NOTCH3: variants seen among roughly 807,000 people sequenced by gnomAD.
NOTCH3 encodes notch receptor 3, also known as neurogenic locus notch homolog protein 3.
NOTCH3 carries 86 observed loss-of-function variants against 213.3 expected under a neutral mutation model. The observed-to-expected ratio is 0.40, with a 90% CI of 0.34 to 0.48. The LOEUF is 0.48. NOTCH3 is among the 20% of genes least tolerant of loss of function. The probability of loss-of-function intolerance (pLI) is 0.57; values close to 1 mark genes in which losing one functional copy is unlikely to be tolerated. For missense variants in NOTCH3, 2,783 were observed against 3,272.6 expected, an observed-to-expected ratio of 0.85 and a Z score of 3.65; for synonymous variants, 1,354 against 1,355.9, an observed-to-expected ratio of 1.00 and a Z score of 0.03.
chr19:15,178,602 C>G, intron 23 of NOTCH3: 1 of 601,860 alleles, frequency 1.7e-6, no homozygotes, highest in East Asian at 2.8e-5. Context: ...CCAGGCTGGT[C>G]TCTAACTCCT....
chr19:15,191,573 C>A lies in NOTCH3; in HGVS notation c.887G>T (p.Gly296Val), dbSNP rs1039406785. 3 of 1,613,586 alleles carry A rather than the reference C, an allele frequency of 1.9e-6. No individual in the cohort carries two copies. The highest frequency in any genetic ancestry group is 1.7e-5 in the Admixed American group (1 of 60,000). The part of the protein sequence containing the change: ...HNGGTCFNTL[G>V]GHSCVCVNGW... ...ATTGACACACACGCAGCTGTGGCCA[C>A]CCAGCGTGTTGAAGCAGGTACCCCC... Residue 296 changes from glycine to valine, a missense_variant, in exon 6 of 33, where the codon GGT becomes GTT. Coordinates refer to ENST00000263388, the MANE Select transcript of NOTCH3 (RefSeq NM_000435.3).
intron 24 of NOTCH3, among the ~76,000 whole-genome samples, chr19:15,175,388 G>C (rs1442000321): frequency 1.3e-5 from 2 of 149,838 alleles, no homozygotes; most frequent in Non-Finnish European, 3.0e-5. Flanking sequence ...ACAAAAATTA[G>C]TCAGGCATGG....
rs1197518115 is a variant in NOTCH3, at chr19:15,178,069, C to G, written c.3859G>C (p.Glu1287Gln). The change falls in exon 24 of 33, where the codon GAG becomes CAG. Residue 1287 changes from glutamate to glutamine, a missense_variant. Glu to Gln is a conservative substitution (Grantham distance 29). Transcript: ENST00000263388. ...TCCCGGCAGGAGCGCGCCACCCGCT[C>G]GCAACGCGGACCCCAGAACGGCTGG... is the stretch of plus-strand genomic sequence containing the variant. ...CAQPFWGPRC[E>Q]RVARSCRELQ... The G allele has an allele frequency of 5.9e-6, 9 of 1,519,774 alleles. No homozygotes were observed. The highest frequency in any genetic ancestry group is 7.0e-6 in the Non-Finnish European group (8 of 1,139,582). The allele number at this position is 1,519,774 out of a possible 1,614,324, so 94.1% of individuals were successfully genotyped here.
intron 23 of NOTCH3, chr19:15,178,604 C>CT (rs369288234): frequency 3.0e-4 from 180 of 603,660 alleles, no homozygotes; most frequent in African/African-American, 2.6e-3. Flanking sequence ...AGGCTGGTCT[C>CT]TAACTCCTGG....
At chr19:15,189,512 T>G (rs1471921286) in intron 6 of NOTCH3, 84 bp from the exon 7 acceptor site, 5 of 1,530,630 alleles carry the variant, frequency 3.3e-6, no homozygotes, top group African/African-American at 1.4e-5. Flanking sequence ...GTTTTGTCGT[T>G]GTTGTTGTTT....
chr19:15,188,373 A>G (rs751848001), intron 8 of NOTCH3, 25 bp from the exon 9 acceptor site: 11 of 1,462,258 alleles, frequency 7.5e-6, no homozygotes, highest in Non-Finnish European at 1.0e-5. Flanking sequence ...AGGGCTTAGG[A>G]AAGCGGGGGC....
chr19:15,159,466 C>CA lies in NOTCH3; in HGVS notation c.*1195dup. 5.3e-6 allele frequency: 1 copy of CA among 189,458 alleles called. No homozygotes were observed. The allele number at this position is 189,458 out of a possible 1,614,324, so 11.7% of individuals were successfully genotyped here. Reference sequence around the variant, plus strand: ...GATTGGCTCAGCTTAAGTCAGGTGACAACCACTAATCCAATCGGTAGTCAT... The same window carrying CA: ...GATTGGCTCAGCTTAAGTCAGGTGACAAACCACTAATCCAATCGGTAGTCAT... On this transcript the variant is annotated 3_prime_UTR_variant, in exon 33 of 33. Coordinates refer to ENST00000263388, the MANE Select transcript of NOTCH3 (RefSeq NM_000435.3).
chr19:15,175,590 T>TACAC (rs1555727085), intron 24 of NOTCH3, among the ~76,000 whole-genome samples: 8,262 of 107,068 alleles, frequency 0.077, 867 homozygotes, highest in African/African-American at 0.25. Flanking sequence ...TATATGTATA[T>TACAC]ACACACACAC....
In NOTCH3 at chr19:15,191,549, T is replaced by C; in HGVS notation, c.911A>G (p.Asn304Ser). Residue 304 changes from asparagine to serine, a missense_variant, in exon 6 of 33, where the codon AAT becomes AGT. This residue lies in a region of NOTCH3 where 708 missense variants were observed against 906.6 expected (regional missense o/e 0.78). Transcript: ENST00000263388. ...TLGGHSCVCV[N>S]GWTGESCSQN... ...ACTGCAGCTCTCGCCTGTCCAGCCA[T>C]TGACACACACGCAGCTGTGGCCACC... is the stretch of plus-strand genomic sequence containing the variant. The C allele has an allele frequency of 6.2e-7, 1 of 1,613,582 alleles. No homozygotes were observed. Among genetic ancestry groups the C allele is most frequent in the Non-Finnish European group, 8.5e-7 (1 of 1,180,016 alleles).
Position 15,180,941 on chromosome 19 carries a change from T to A in NOTCH3, c.2994+20A>T. On this transcript the variant is annotated intron_variant, in intron 18 of 32. Transcript: ENST00000263388. ...ATCCCAGGCAGGCTCCTCCCCCAGGTCCCCAGTAACTCCACCCACCTGGCA... is the reference window on the plus strand; with the variant it reads ...ATCCCAGGCAGGCTCCTCCCCCAGGACCCCAGTAACTCCACCCACCTGGCA... 6.3e-7 allele frequency: 1 copy of A among 1,585,130 alleles called. No homozygotes were observed. The highest frequency in any genetic ancestry group is 8.6e-7 in the Non-Finnish European group (1 of 1,166,776).
Position 15,170,473 on chromosome 19 carries a change from G to A in NOTCH3, c.4972C>T (p.Leu1658Phe), listed in dbSNP as rs769150460. ...CGGGCCACCATGACACCCAGGACGAGAATGACCAGCAGCAAGACAGCGCCC... is the reference window on the plus strand; with the variant it reads ...CGGGCCACCATGACACCCAGGACGAAAATGACCAGCAGCAAGACAGCGCCC... ...VAGAVLLLVI[L>F]VLGVMVARRK... is the part of the protein sequence containing the mutation. The change falls in exon 27 of 33, where the codon CTC becomes TTC. Residue 1658 changes from leucine to phenylalanine, a missense_variant. By Grantham distance (22) the Leu-to-Phe change is conservative. Around this residue, in one of 6 missense-constraint regions of NOTCH3, gnomAD observed 636 missense variants for 801.8 expected, o/e 0.79. Coordinates refer to ENST00000263388, the MANE Select transcript of NOTCH3 (RefSeq NM_000435.3). The A allele has an allele frequency of 2.5e-6, 4 of 1,607,786 alleles. No homozygotes were observed. Among genetic ancestry groups the A allele is most frequent in the Non-Finnish European group, 3.4e-6 (4 of 1,179,962 alleles).
chr19:15,177,584 C>G lies in NOTCH3; in HGVS notation c.4344G>C (p.Ser1448=). 6.2e-7 allele frequency: 1 copy of G among 1,605,156 alleles called. No individual in the cohort carries two copies. Among genetic ancestry groups the G allele is most frequent in the Non-Finnish European group, 8.5e-7 (1 of 1,176,936 alleles). The change falls in exon 24 of 33, where the codon TCG becomes TCC. Residue 1448 remains serine, a synonymous_variant. Transcript: ENST00000263388. ...NNSRCDPACS[S]PACLYDNFDC... ...CGAAGTTGTCGTAGAGGCAGGCGGGCGAGCTGCAGGCGGGGTCGCAGCGGC... is the reference window on the plus strand; with the variant it reads ...CGAAGTTGTCGTAGAGGCAGGCGGGGGAGCTGCAGGCGGGGTCGCAGCGGC...
At chr19:15,187,709 C>CA (rs1470352887) in intron 10 of NOTCH3, among the ~76,000 whole-genome samples, 172 bp downstream of exon 10, 2 of 152,136 alleles carry the variant, frequency 1.3e-5, no homozygotes, top group Non-Finnish European at 2.9e-5. Context: ...TTTGGCTCCA[C>CA]ACGTAGCCTT....
chr19:15,189,164 G>A lies in NOTCH3; in HGVS notation c.1203C>T (p.Pro401=). 6.2e-7 allele frequency: 1 copy of A among 1,613,388 alleles called. No individual in the cohort carries two copies. The highest frequency in any genetic ancestry group is 8.5e-7 in the Non-Finnish European group (1 of 1,180,034). The change falls in exon 8 of 33, where the codon CCC becomes CCT. Residue 401 remains proline, a synonymous_variant. Transcript: ENST00000263388. ...TCACGCACCTGCCCAAGTGCTCGCA[G>A]GGGTTGGCGCCTGCCGGATGGAGTG... ...DVDECSIGAN[P]CEHLGRCVNT...
intron 1 of NOTCH3, among the ~76,000 whole-genome samples, chr19:15,198,548 C>T (rs537384522): frequency 3.3e-5 from 5 of 152,284 alleles, no homozygotes; most frequent in African/African-American, 9.6e-5. Context: ...GTCAGGAGTT[C>T]GAGACCAGCC....
In NOTCH3 at chr19:15,184,295, T is replaced by C. The variant is rs113142241; in HGVS notation, c.2566A>G (p.Asn856Asp). 3 of 1,613,756 alleles carry C rather than the reference T, an allele frequency of 1.9e-6. No individual in the cohort carries two copies. The highest frequency in any genetic ancestry group is 8.5e-7 in the Non-Finnish European group (1 of 1,179,884). ...CDQDINDCDPNPCLNGGSCQD... is the reference protein window; with the variant it reads ...CDQDINDCDPDPCLNGGSCQD... ...CCCCCAAGAGCTCCCCTGCACTCAC[T>C]GGGGTCACAGTCATTGATGTCCTGA... The change falls in exon 16 of 33, where the codon AAC (asparagine) becomes GAC (aspartate). Residue 856 changes from asparagine (N) to aspartate (D), a missense_variant and splice_region_variant. By Grantham distance (23) the Asn-to-Asp change is conservative. Transcript: ENST00000263388.
In NOTCH3 at chr19:15,185,273, G is replaced by A. The variant is rs754147124; in HGVS notation, c.2280C>T (p.Cys760=). The part of the protein sequence containing the change: ...SSDGMGFHCT[C]PPGVQGRQCE... ...GGTACACACCCTGGACACCAGGCGG[G>A]CAGGTGCAGTGGAAACCCATTCCAT... Residue 760 remains cysteine, a synonymous_variant, in exon 14 of 33, where the codon TGC becomes TGT. Coordinates refer to ENST00000263388, the MANE Select transcript of NOTCH3 (RefSeq NM_000435.3). The surrounding 1 kb of genome is among the most constrained non-coding windows in gnomAD (Gnocchi z 4.2). 81 of 1,613,100 alleles carry A rather than the reference G, an allele frequency of 5.0e-5. No homozygotes were observed. The highest frequency in any genetic ancestry group is 8.3e-5 in the Admixed American group (5 of 60,008).
chr19:15,191,392 C>T, intron 6 of NOTCH3, 32 bp downstream of exon 6: 1 of 1,583,334 alleles, frequency 6.3e-7, no homozygotes, highest in Non-Finnish European at 8.7e-7. Flanking sequence ...AAAAACCATC[C>T]ATGGCTCCCT....
At chr19:15,191,380 C>T (rs1326075106) in intron 6 of NOTCH3, 44 bp downstream of exon 6, 1 of 1,554,386 alleles carries the variant, frequency 6.4e-7, no homozygotes. Flanking sequence ...TTTGCCCTCA[C>T]TAAAAACCAT....
Sources: allele counts gnomAD v4.1 joint callset (sites outside exome capture counted in the v4.1 genomes callset), GRCh38; gene constraint gnomAD v4.1.1; regional missense constraint gnomAD v4.1.1; non-coding constraint Gnocchi (gnomAD v3.1); transcripts MANE v1.5; gene names NCBI Gene and HGNC (gene_info 2026-07-23, HGNC 2026-07-21).